ZFP64: variants seen among roughly 807,000 people sequenced by gnomAD.
The protein encoded by ZFP64 is zinc finger protein 64.
A neutral mutation model predicts 51.6 loss-of-function variants in ZFP64; 14 were observed. The observed-to-expected ratio is 0.27, with a 90% CI of 0.18 to 0.42. The LOEUF is 0.42. ZFP64 is among the 10% of genes least tolerant of loss of function. The pLI is 1.00. For synonymous variants in ZFP64, 375 were observed against 361.4 expected (o/e 1.04, Z -0.43); for missense variants, 754 against 906.8 (o/e 0.83, Z 2.16).
chr20:52,188,955 G>A (rs1032783919), intron 1 of ZFP64, among the ~76,000 whole-genome samples: 2 of 151,608 alleles, frequency 1.3e-5, no homozygotes, highest in African/African-American at 2.4e-5. Flanking sequence ...CAGCCTGGGC[G>A]ACAGAGCGAG....
At chr20:52,117,284 ACC>A (rs140600662) in intron 5 of ZFP64, among the ~76,000 whole-genome samples, 8,065 of 152,038 alleles carry the variant, frequency 0.053, 284 homozygotes, top group Admixed American at 0.11. Flanking sequence ...TATTCATGTT[ACC>A]TTTGAGACAC....
intron 5 of ZFP64, among the ~76,000 whole-genome samples, chr20:52,119,797 A>G (rs924008264): frequency 1.3e-5 from 2 of 152,010 alleles, no homozygotes; most frequent in African/African-American, 2.4e-5. Context: ...CCAGGAGGCA[A>G]AGAGACGGCA....
At chr20:52,174,915 G>C (rs1230115726) in intron 2 of ZFP64, among the ~76,000 whole-genome samples, 1 of 152,068 alleles carries the variant, frequency 6.6e-6, no homozygotes, top group Non-Finnish European at 1.5e-5. Context: ...GACTTGAGAG[G>C]ACAAAATGAG....
chr20:52,137,499 C>T (rs553304673), intron 5 of ZFP64, among the ~76,000 whole-genome samples: 1 of 152,254 alleles, frequency 6.6e-6, no homozygotes, highest in Non-Finnish European at 1.5e-5. Context: ...ACCTATGTGC[C>T]CTTCTGAGGA....
intron 5 of ZFP64, among the ~76,000 whole-genome samples, chr20:52,104,080 TCCTCAGCCCCTTAAAGGAAAGGTATC>T (rs1221871482): frequency 6.6e-6 from 1 of 152,116 alleles, no homozygotes. Context: ...ACAACTCCTT[TCCTCAGCCCCTTAAAGGAAAGGTATC>T]AGCTAACCAC....
Position 52,160,859 on chromosome 20 carries a change from G to A in ZFP64, c.512-485C>T, listed in dbSNP as rs375266144. 3.0e-3 allele frequency among the ~76,000 whole-genome samples: 464 copies of A among 152,286 alleles called. 2 individuals are homozygous for A. The South Asian group carries it at 0.034, about 11-fold the overall frequency. On this transcript the variant is annotated intron_variant, in intron 4 of 5. Transcript: ENST00000216923. The surrounding 1 kb of genome is among the most constrained non-coding windows in gnomAD (Gnocchi z 4.2). ...TGACTAAGTTCCTATCAAAGCGATG[G>A]CAGAGAAAGTAAAGTGTGTCTCTTT...
In ZFP64 at chr20:52,084,799, C is replaced by T. The variant is rs200516061; in HGVS notation, c.1696G>A (p.Gly566Ser). 1.9e-6 allele frequency: 3 copies of T among 1,614,206 alleles called. No homozygotes were observed. In the East Asian group the frequency reaches 6.7e-5, roughly 36 times the overall value. ...ATCTTGGCCACGTGCTGGGAGCTGCCCTCTCTGAGCCCTTCCTTGCCCAGA... is the reference window on the plus strand; with the variant it reads ...ATCTTGGCCACGTGCTGGGAGCTGCTCTCTCTGAGCCCTTCCTTGCCCAGA... Residue 566 changes from glycine to serine, a missense_variant, in exon 9 of 9, where the codon GGC becomes AGC. Gly to Ser is a moderately conservative substitution (Grantham distance 56, BLOSUM62 0). Transcript: ENST00000361387.
At chr20:52,174,908 T>C (rs976227236) in intron 2 of ZFP64, among the ~76,000 whole-genome samples, 2 of 152,194 alleles carry the variant, frequency 1.3e-5, no homozygotes, top group African/African-American at 2.4e-5. Flanking sequence ...CAGAGACGAC[T>C]TGAGAGGACA....
At chr20:52,149,182 G>A (rs1261560214), downstream of ZFP64, among the ~76,000 whole-genome samples, 1 of 151,778 alleles carries the variant, frequency 6.6e-6, no homozygotes, top group Non-Finnish European at 1.5e-5. Flanking sequence ...CTCACATCAG[G>A]GATGAGACTA....
At chr20:52,146,743 G>T (rs939881286), downstream of ZFP64, among the ~76,000 whole-genome samples, 1 of 152,076 alleles carries the variant, frequency 6.6e-6, no homozygotes, top group African/African-American at 2.4e-5. Context: ...AAAAAGAAAT[G>T]TTTCAGCTCC....
chr20:52,084,507 C>A, exon 9 of ZFP64: 1 of 1,549,842 alleles, frequency 6.5e-7, no homozygotes, highest in South Asian at 1.2e-5. Context: ...GAGGGCTGGG[C>A]AACAGCACTG....
In ZFP64 at chr20:52,191,532, C is replaced by G; in HGVS notation, c.46+59G>C. ...GCTGCGTCGCAGACGTGCTTGGGCC[C>G]GGGCCCCGGAGCGCGCACTGGGCCC... On this transcript the variant is annotated intron_variant, in intron 1 of 5. Coordinates refer to ENST00000216923, the MANE Select transcript of ZFP64 (RefSeq NM_018197.3). The surrounding 1 kb of genome is among the most constrained non-coding windows in gnomAD (Gnocchi z 4.3). The G allele has an allele frequency of 6.0e-6, 9 of 1,491,306 alleles. No individual in the cohort carries two copies. The highest frequency in any genetic ancestry group is 2.8e-5 in the East Asian group (1 of 35,142). The allele number at this position is 1,491,306 out of a possible 1,614,324, so 92.4% of individuals were successfully genotyped here. A position where few individuals can be genotyped will look rare whatever the true frequency, so the allele number is the denominator to read the frequency against.
At chr20:52,102,941 G>A (rs1267507565) in intron 5 of ZFP64, among the ~76,000 whole-genome samples, 1 of 152,140 alleles carries the variant, frequency 6.6e-6, no homozygotes, top group Non-Finnish European at 1.5e-5. Context: ...GGAGAAAGAT[G>A]CATGTTTTCA....
At chr20:52,177,369 TCTC>T (rs1983304962) in intron 2 of ZFP64, among the ~76,000 whole-genome samples, 1 of 152,114 alleles carries the variant, frequency 6.6e-6, no homozygotes, top group South Asian at 2.1e-4. Flanking sequence ...GTAGGCCCCT[TCTC>T]CTTGTCCCTT....
chr20:52,166,187 C>T (rs1171833354), intron 2 of ZFP64, among the ~76,000 whole-genome samples, 162 bp from the exon 3 acceptor site: 1 of 145,314 alleles, frequency 6.9e-6, no homozygotes, highest in Non-Finnish European at 1.5e-5. Flanking sequence ...TAATGAGACA[C>T]TAGAGAGCAT....
At chr20:52,101,340 G>A (rs898069083) in intron 5 of ZFP64, among the ~76,000 whole-genome samples, 4 of 151,510 alleles carry the variant, frequency 2.6e-5, no homozygotes, top group African/African-American at 4.9e-5. Flanking sequence ...AGGGGTGGTA[G>A]TGTGGATCAA....
chr20:52,183,945 G>A (rs150424867), intron 2 of ZFP64, among the ~76,000 whole-genome samples: 94 of 152,208 alleles, frequency 6.2e-4, no homozygotes, highest in African/African-American at 2.2e-3. Context: ...CTGCCTCCTG[G>A]GTTTAAGAGA....
chr20:52,091,538 A>G (rs2122717005), intron 7 of ZFP64, among the ~76,000 whole-genome samples: 1 of 152,354 alleles, frequency 6.6e-6, no homozygotes, highest in South Asian at 2.1e-4. Context: ...GAGAGAGTTC[A>G]GTATGTAGAT....
At chr20:52,154,413 C>T (rs769710182) in intron 5 of ZFP64, among the ~76,000 whole-genome samples, 2 of 152,102 alleles carry the variant, frequency 1.3e-5, no homozygotes, top group African/African-American at 2.4e-5. Context: ...CCCCGTAGTA[C>T]AAAGAAGGGC....
Sources: allele counts gnomAD v4.1 joint callset (sites outside exome capture counted in the v4.1 genomes callset), GRCh38; gene constraint gnomAD v4.1.1; non-coding constraint Gnocchi (gnomAD v3.1); transcripts MANE v1.5; gene names NCBI Gene and HGNC (gene_info 2026-07-23, HGNC 2026-07-21).